The following NCOA1 variants were observed in gnomAD, a reference collection of about 807,000 sequenced individuals.
The protein encoded by NCOA1 is nuclear receptor coactivator 1.
NCOA1 carries 35 observed loss-of-function variants against 150.9 expected under a neutral mutation model. That is an observed-to-expected ratio of 0.23 (90% CI 0.18 to 0.31). The LOEUF (loss-of-function observed/expected upper bound fraction) is 0.31. NCOA1 is among the 10% of genes least tolerant of loss of function. The pLI, the probability that NCOA1 is intolerant of heterozygous loss-of-function variation, is 1.00. For synonymous variants in NCOA1, 590 were observed against 630.0 expected (o/e 0.94, Z 0.95); for missense variants, 1,491 against 1,749.3 (o/e 0.85, Z 2.63).
intron 1 of NCOA1, among the ~76,000 whole-genome samples, chr2:24,554,842 A>G (rs1397305137): frequency 1.3e-5 from 2 of 152,142 alleles, no homozygotes; most frequent in African/African-American, 4.8e-5. Flanking sequence ...TGGCTCTAAA[A>G]TGGAGGCTGA....
At chr2:24,714,761 G>A (rs1197077245) in intron 14 of NCOA1, among the ~76,000 whole-genome samples, 1 of 151,868 alleles carries the variant, frequency 6.6e-6, no homozygotes, top group African/African-American at 2.4e-5. Flanking sequence ...GGAAGAAGGG[G>A]GAGCAGGTGA....
chr2:24,695,501 A>G lies in NCOA1; in HGVS notation c.808+2154A>G, dbSNP rs113792880. ...ACACAGTTATTGTACAAAGATACCA[A>G]GGAAATATAAAATATGCTTAAAATG... On this transcript the variant is annotated intron_variant, in intron 10 of 22. Transcript: ENST00000348332. 1.1e-3 allele frequency among the ~76,000 whole-genome samples: 164 copies of G among 152,366 alleles called. 1 individual carries two copies. Among genetic ancestry groups the G allele is most frequent in the African/African-American group, 3.7e-3 (152 of 41,586 alleles).
At chr2:24,689,455 C>T (rs1322749116) in intron 8 of NCOA1, among the ~76,000 whole-genome samples, 1 of 151,972 alleles carries the variant, frequency 6.6e-6, no homozygotes, top group Non-Finnish European at 1.5e-5. Flanking sequence ...GTCACCCAGG[C>T]TGGAGTGCAG....
chr2:24,518,158 G>A (rs1024740044), intron 1 of NCOA1, among the ~76,000 whole-genome samples: 10 of 151,914 alleles, frequency 6.6e-5, no homozygotes, highest in African/African-American at 2.2e-4. Context: ...GGTTACCTTG[G>A]GAATGCAAGA....
At chr2:24,669,741 C>T (rs769201733) in intron 6 of NCOA1, among the ~76,000 whole-genome samples, 4 of 152,052 alleles carry the variant, frequency 2.6e-5, no homozygotes, top group Non-Finnish European at 5.9e-5. Context: ...GTACAAATGG[C>T]CAACAAGCAC....
At chr2:24,537,255 C>T (rs1036765221) in intron 1 of NCOA1, among the ~76,000 whole-genome samples, 1 of 151,842 alleles carries the variant, frequency 6.6e-6, no homozygotes, top group Non-Finnish European at 1.5e-5. Context: ...CACACACACA[C>T]ACACACACAC....
chr2:24,754,726 T>C (rs1664417381), intron 20 of NCOA1, among the ~76,000 whole-genome samples: 1 of 152,234 alleles, frequency 6.6e-6, no homozygotes, highest in Admixed American at 6.5e-5. Context: ...ATTTTTCTTC[T>C]CCATCTAGAA....
intron 3 of NCOA1, among the ~76,000 whole-genome samples, chr2:24,633,371 T>C (rs1269185469): frequency 6.6e-6 from 1 of 151,848 alleles, no homozygotes; most frequent in Non-Finnish European, 1.5e-5. Context: ...AAAGAAATAA[T>C]AAACAGAAGA....
intron 14 of NCOA1, among the ~76,000 whole-genome samples, chr2:24,715,077 A>T (rs1353975851): frequency 6.6e-6 from 1 of 152,164 alleles, no homozygotes; most frequent in Non-Finnish European, 1.5e-5. Context: ...ATCCAGTATC[A>T]TTCAGAAATG....
chr2:24,539,733 A>G (rs1665311487), intron 1 of NCOA1, among the ~76,000 whole-genome samples: 3 of 152,252 alleles, frequency 2.0e-5, no homozygotes, highest in Admixed American at 6.5e-5. Flanking sequence ...GGAACTCTCC[A>G]TAAATCAAAA....
intron 3 of NCOA1, among the ~76,000 whole-genome samples, chr2:24,598,534 A>G (rs1667975027): frequency 6.6e-6 from 1 of 152,178 alleles, no homozygotes. Context: ...TGAAGAAAGT[A>G]TGCATGCTGT....
At chr2:24,592,342 GA>G (rs1325772086) in intron 3 of NCOA1, among the ~76,000 whole-genome samples, 2 of 152,048 alleles carry the variant, frequency 1.3e-5, no homozygotes, top group Non-Finnish European at 2.9e-5. Context: ...GAGTTTATAA[GA>G]TATTGTCCAT....
chr2:24,602,262 G>A (rs985412546), intron 3 of NCOA1, among the ~76,000 whole-genome samples: 3 of 152,126 alleles, frequency 2.0e-5, no homozygotes, highest in East Asian at 1.9e-4. Flanking sequence ...ATGCAGTGGC[G>A]TAATCTCAGG....
intron 3 of NCOA1, among the ~76,000 whole-genome samples, chr2:24,638,084 A>G (rs1262357749): frequency 2.0e-5 from 3 of 150,526 alleles, no homozygotes; most frequent in East Asian, 3.9e-4. Context: ...ATAATTTTGT[A>G]TCCTTCAACA....
chr2:24,569,611 C>A (rs568795466), intron 2 of NCOA1, among the ~76,000 whole-genome samples: 277 of 125,882 alleles, frequency 2.2e-3, no homozygotes, highest in Non-Finnish European at 2.6e-3. Context: ...GTAGCTCAGG[C>A]CTGTAATCCT....
At chr2:24,643,083 A>ATT (rs1384930358) in intron 3 of NCOA1, among the ~76,000 whole-genome samples, 8 of 152,242 alleles carry the variant, frequency 5.3e-5, no homozygotes, top group Non-Finnish European at 1.2e-4. Context: ...ATGTCATAGA[A>ATT]TTGTAAAAAA....
chr2:24,639,924 A>ATATATATG (rs1670117551), intron 3 of NCOA1, among the ~76,000 whole-genome samples: 1 of 11,434 alleles, frequency 8.7e-5, no homozygotes, highest in South Asian at 3.8e-3. Context: ...GTGTATATAT[A>ATATATATG]TATATATATA....
intron 1 of NCOA1, among the ~76,000 whole-genome samples, chr2:24,500,957 A>G (rs903040619): frequency 4.6e-5 from 7 of 152,238 alleles, no homozygotes; most frequent in Admixed American, 1.3e-4. Flanking sequence ...TAACTTTAAG[A>G]GCTTTTTTTA....
At chr2:24,752,972 A>G (rs1664323633) in intron 20 of NCOA1, among the ~76,000 whole-genome samples, 1 of 152,078 alleles carries the variant, frequency 6.6e-6, no homozygotes. Context: ...CTTAGTTATA[A>G]TGACAGGGAA....
Sources: allele counts gnomAD v4.1 joint callset (sites outside exome capture counted in the v4.1 genomes callset), GRCh38; gene constraint gnomAD v4.1.1; transcripts MANE v1.5; gene names NCBI Gene and HGNC (gene_info 2026-07-23, HGNC 2026-07-21).